The following COL11A1 variants were observed in gnomAD, a reference collection of about 807,000 sequenced individuals.
COL11A1 encodes the protein collagen type XI alpha 1 chain, also known as collagen alpha-1(XI) chain.
Under a neutral mutation model 265.2 loss-of-function variants are expected in COL11A1, and 74 were observed. That is an observed-to-expected ratio of 0.28 (90% CI 0.23 to 0.34). COL11A1 has a LOEUF of 0.34. Ranked by LOEUF, COL11A1 falls within the 10% of genes least tolerant of loss-of-function variation. COL11A1 has a pLI of 1.00. For synonymous variants in COL11A1, 816 were observed against 727.6 expected, an observed-to-expected ratio of 1.12 and a Z score of -1.96; for missense variants, 2,165 against 2,263.6, an observed-to-expected ratio of 0.96 and a Z score of 0.88.
intron 39 of COL11A1, 27 bp downstream of exon 39, chr1:102,962,624 CAA>C (rs780836034): frequency 6.2e-7 from 1 of 1,606,394 alleles, no homozygotes; most frequent in African/African-American, 1.3e-5. Flanking sequence ...AGTTTTGGGC[CAA>C]AAAAAGTTTT....
chr1:102,987,949 C>T (rs1663743822), intron 29 of COL11A1, among the ~76,000 whole-genome samples: 1 of 151,970 alleles, frequency 6.6e-6, no homozygotes, highest in Admixed American at 6.6e-5. Context: ...AGTCTTTCCC[C>T]AAACAAATCT....
intron 45 of COL11A1, 109 bp downstream of exon 45, chr1:102,934,951 T>C (rs1342440187): frequency 9.8e-7 from 1 of 1,016,164 alleles, no homozygotes; most frequent in Non-Finnish European, 1.5e-6. Flanking sequence ...ATGTCAAACA[T>C]ACAAACAAAA....
intron 65 of COL11A1, 33 bp from the exon 66 acceptor site, chr1:102,879,949 A>C: frequency 7.4e-7 from 1 of 1,354,862 alleles, no homozygotes; most frequent in Non-Finnish European, 1.1e-6. Flanking sequence ...ACACCTAATG[A>C]CTCTTTTCCT....
chr1:102,977,336 T>C (rs1048369434), intron 35 of COL11A1, among the ~76,000 whole-genome samples: 5 of 152,154 alleles, frequency 3.3e-5, no homozygotes, highest in African/African-American at 4.8e-5. Context: ...TGAAAACATA[T>C]ATGAATAGTT....
intron 41 of COL11A1, among the ~76,000 whole-genome samples, chr1:102,957,747 T>C (rs904713951): frequency 1.8e-4 from 28 of 152,088 alleles, no homozygotes; most frequent in African/African-American, 6.8e-4. Flanking sequence ...AATGAGTTTA[T>C]GTAAAGTGCT....
At chr1:102,981,844 G>A (rs1557900542) in intron 31 of COL11A1, among the ~76,000 whole-genome samples, 1 of 151,886 alleles carries the variant, frequency 6.6e-6, no homozygotes, top group Non-Finnish European at 1.5e-5. Context: ...TATAGCACAT[G>A]TGGTGCTACA....
chr1:103,042,817 A>G (rs1031909906), intron 4 of COL11A1, among the ~76,000 whole-genome samples: 1 of 151,762 alleles, frequency 6.6e-6, no homozygotes, highest in African/African-American at 2.4e-5. Flanking sequence ...CTACCTGAAG[A>G]GAGTTCTGTT....
At chr1:102,929,267 T>C (rs1488586178) in intron 46 of COL11A1, among the ~76,000 whole-genome samples, 2 of 151,608 alleles carry the variant, frequency 1.3e-5, no homozygotes, top group East Asian at 3.9e-4. Flanking sequence ...TTGATTTTTG[T>C]ATAAGGTGTA....
intron 18 of COL11A1, 59 bp from the exon 19 acceptor site, chr1:103,004,720 T>C: frequency 7.0e-7 from 1 of 1,424,106 alleles, no homozygotes; most frequent in South Asian, 1.2e-5. Context: ...TTTACAAGTC[T>C]ATCAGGTAGC....
At position 103,017,899 on chromosome 1, in the gene COL11A1, C is replaced by G. The variant is rs375605297; in HGVS notation, c.1351-17G>C. The G allele has an allele frequency of 4.4e-6, 7 of 1,594,900 alleles. No homozygotes were observed. The African/African-American group carries it at 8.1e-5, about 18-fold the overall frequency. Reference sequence around the variant, plus strand: ...CATAATACCCTATAGAGAAACACACCATATCTTAATCAGATTCCTAATCTC... The same window carrying G: ...CATAATACCCTATAGAGAAACACACGATATCTTAATCAGATTCCTAATCTC... On this transcript the variant is annotated splice_polypyrimidine_tract_variant and intron_variant, in intron 10 of 66. Transcript: ENST00000370096.
Position 103,024,510 on chromosome 1 carries a change from C to T in COL11A1, c.990+1011G>A, listed in dbSNP as rs115464890. On this transcript the variant is annotated intron_variant, in intron 7 of 66. Coordinates refer to ENST00000370096, the MANE Select transcript of COL11A1 (RefSeq NM_001854.4). The stretch of plus-strand genomic sequence containing the variant: ...TCACTAAAATTAAATGTCCAATAAC[C>T]GTAATTTTTTTTGTATTCTTAGATA... Among the ~76,000 whole-genome samples, 563 of 151,932 alleles carry T rather than the reference C, an allele frequency of 3.7e-3. 5 individuals are homozygous for T. The highest frequency in any genetic ancestry group is 0.013 in the African/African-American group (545 of 41,446).
At chr1:103,100,194 T>C (rs781275761) in intron 1 of COL11A1, 14 of 151,920 alleles carry the variant, frequency 9.2e-5, no homozygotes, top group Non-Finnish European at 1.3e-4. Context: ...TAATCAACTC[T>C]GACATTTTTT....
chr1:102,963,047 C>T (rs187825873), intron 38 of COL11A1, among the ~76,000 whole-genome samples: 74 of 152,190 alleles, frequency 4.9e-4, no homozygotes, highest in Admixed American at 2.0e-3. Context: ...CAGAGTGTGG[C>T]CAGTCCAAGT....
chr1:102,889,780 T>C (rs932462315), intron 58 of COL11A1, among the ~76,000 whole-genome samples: 1 of 152,150 alleles, frequency 6.6e-6, no homozygotes, highest in Non-Finnish European at 1.5e-5. Flanking sequence ...AGGGCTTTAT[T>C]AAGCATTGGA....
intron 1 of COL11A1, among the ~76,000 whole-genome samples, chr1:103,085,114 A>G (rs1240771828): frequency 6.6e-6 from 1 of 152,238 alleles, no homozygotes; most frequent in African/African-American, 2.4e-5. Flanking sequence ...TCCTCCCACC[A>G]TGCAGTTCAG....
intron 14 of COL11A1, 43 bp from the exon 15 acceptor site, chr1:103,008,559 T>C (rs1665836559): frequency 3.3e-6 from 5 of 1,522,364 alleles, no homozygotes; most frequent in East Asian, 4.5e-5. Flanking sequence ...TTTAGCAATT[T>C]CCTAACTACT....
intron 41 of COL11A1, among the ~76,000 whole-genome samples, chr1:102,957,480 C>T (rs1056869580): frequency 1.3e-5 from 2 of 151,988 alleles, no homozygotes; most frequent in Non-Finnish European, 2.9e-5. Context: ...AAATACACAG[C>T]ACAACTACAT....
rs1485047407 is a variant in COL11A1, at chr1:103,060,613, TC to T, written c.651+14004del. Among the ~76,000 whole-genome samples the T allele has an allele frequency of 3.3e-5, 5 of 152,284 alleles. No individual in the cohort carries two copies. In the East Asian group the frequency reaches 9.7e-4, roughly 29 times the overall value. On this transcript the variant is annotated intron_variant, in intron 4 of 66. Transcript: ENST00000370096. ...TTTATAAGATACTTGCTTGCATTAC[TC>T]ATAAATCAGTATAGTGTTATTTAAA...
chr1:102,918,355 C>A (rs1341098163), intron 49 of COL11A1, among the ~76,000 whole-genome samples: 3 of 151,576 alleles, frequency 2.0e-5, no homozygotes, highest in African/African-American at 7.3e-5. Flanking sequence ...TAGTGAAGTG[C>A]AAAAGTTATT....
Sources: allele counts gnomAD v4.1 joint callset (sites outside exome capture counted in the v4.1 genomes callset), GRCh38; gene constraint gnomAD v4.1.1; transcripts MANE v1.5; gene names NCBI Gene and HGNC (gene_info 2026-07-23, HGNC 2026-07-21).